PCDHA6: variants seen among roughly 807,000 people sequenced by gnomAD.
PCDHA6 encodes protocadherin alpha-6.
In PCDHA6, 55 loss-of-function variants were observed where a neutral mutation model predicts 60.3. The ratio of observed to expected loss-of-function variants is 0.91; its 90% confidence interval spans 0.73 to 1.14. The LOEUF (loss-of-function observed/expected upper bound fraction) is 1.14. Ranked by LOEUF, PCDHA6 falls within the 50% of genes most tolerant of loss-of-function variation. The pLI is 0.00. For missense variants in PCDHA6, 1,327 were observed against 1,256.5 expected, an observed-to-expected ratio of 1.06 and a Z score of -0.85; for synonymous variants, 652 against 557.9, an observed-to-expected ratio of 1.17 and a Z score of -2.38.
At chr5:140,919,926 T>C (rs1040693581) in intron 1 of PCDHA6, among the ~76,000 whole-genome samples, 18 of 152,088 alleles carry the variant, frequency 1.2e-4, no homozygotes, top group African/African-American at 4.1e-4. Flanking sequence ...AATTTTCAGG[T>C]GGGGGCTAAT....
At chr5:140,838,343 C>T (rs1262099993) in intron 1 of PCDHA6, among the ~76,000 whole-genome samples, 5 of 148,174 alleles carry the variant, frequency 3.4e-5, no homozygotes, top group African/African-American at 1.0e-4. Context: ...CGGCTGGTCT[C>T]GAAATCTGGG....
At chr5:141,009,167 G>A (rs2098401919) in intron 3 of PCDHA6, among the ~76,000 whole-genome samples, 1 of 152,180 alleles carries the variant, frequency 6.6e-6, no homozygotes, top group African/African-American at 2.4e-5. Flanking sequence ...TGTAAATACT[G>A]GCCTTGGCTG....
At chr5:140,951,822 C>T (rs926525028) in intron 1 of PCDHA6, among the ~76,000 whole-genome samples, 11 of 152,152 alleles carry the variant, frequency 7.2e-5, no homozygotes, top group African/African-American at 2.7e-4. Flanking sequence ...AAAGTCTGAA[C>T]TCATTCCAGC....
chr5:140,995,930 A>G (rs186484511), intron 3 of PCDHA6, among the ~76,000 whole-genome samples: 1 of 152,342 alleles, frequency 6.6e-6, no homozygotes, highest in Admixed American at 6.5e-5. Context: ...TGTTGTAAGT[A>G]TTAAATGACA....
At chr5:140,950,914 T>C (rs1198787949) in intron 1 of PCDHA6, among the ~76,000 whole-genome samples, 1 of 152,044 alleles carries the variant, frequency 6.6e-6, no homozygotes, top group African/African-American at 2.4e-5. Flanking sequence ...TTTATTTTAT[T>C]TCAGTTCTTT....
intron 1 of PCDHA6, among the ~76,000 whole-genome samples, chr5:140,873,502 T>C (rs1554166743): frequency 3.3e-5 from 5 of 152,346 alleles, no homozygotes; most frequent in Non-Finnish European, 7.3e-5. Context: ...AGTTGTGTCT[T>C]TTATACTTAA....
intron 1 of PCDHA6, among the ~76,000 whole-genome samples, chr5:140,890,783 A>G (rs150043569): frequency 1.3e-5 from 2 of 152,302 alleles, no homozygotes; most frequent in African/African-American, 4.8e-5. Context: ...CCCATAAGAT[A>G]TTAGTATTAT....
At chr5:140,887,348 G>C (rs997332881) in intron 1 of PCDHA6, among the ~76,000 whole-genome samples, 1 of 151,978 alleles carries the variant, frequency 6.6e-6, no homozygotes, top group Non-Finnish European at 1.5e-5. Flanking sequence ...CACCTGGCTC[G>C]GCCTCCCAAA....
At chr5:140,962,947 A>T (rs2153733915) in intron 1 of PCDHA6, among the ~76,000 whole-genome samples, 2 of 152,320 alleles carry the variant, frequency 1.3e-5, no homozygotes, top group Admixed American at 1.3e-4. Context: ...TCCATAAGAT[A>T]TGCTCTATCC....
chr5:140,866,385 A>G (rs1211864168), intron 1 of PCDHA6: 3 of 152,140 alleles, frequency 2.0e-5, no homozygotes, highest in Non-Finnish European at 2.9e-5. Flanking sequence ...ACAATTTTAA[A>G]GACATAGATT....
chr5:140,870,100 T>C (rs1554163812), intron 1 of PCDHA6: 2 of 1,613,914 alleles, frequency 1.2e-6, no homozygotes, highest in Admixed American at 3.3e-5. Context: ...GGCAGGTCAC[T>C]GTACAGTCTG....
At chr5:140,951,247 A>G (rs185452142) in intron 1 of PCDHA6, among the ~76,000 whole-genome samples, 1 of 152,230 alleles carries the variant, frequency 6.6e-6, no homozygotes, top group Non-Finnish European at 1.5e-5. Context: ...TTAGGAATGC[A>G]TCACATTTTT....
chr5:140,899,267 G>C lies in PCDHA6; in HGVS notation c.2394+68782G>C, dbSNP rs1397421903. Among the ~76,000 whole-genome samples, 367 of 152,064 alleles carry C rather than the reference G, an allele frequency of 2.4e-3. 2 individuals carry two copies. The highest frequency in any genetic ancestry group is 8.5e-3 in the African/African-American group (354 of 41,454). On this transcript the variant is annotated intron_variant, in intron 1 of 3. Coordinates refer to ENST00000529310, the MANE Select transcript of PCDHA6 (RefSeq NM_018909.4). ...TGAGAGAGGGCATCCCTGTCTTGTGGCAGTTTTCAAAGGGAATACTTCCAG... is the reference window on the plus strand; with the variant it reads ...TGAGAGAGGGCATCCCTGTCTTGTGCCAGTTTTCAAAGGGAATACTTCCAG...
At chr5:140,932,734 C>G (rs1295804671) in intron 1 of PCDHA6, among the ~76,000 whole-genome samples, 2 of 151,588 alleles carry the variant, frequency 1.3e-5, no homozygotes, top group Non-Finnish European at 1.5e-5. Context: ...AATATAGACC[C>G]TCAAATCAGT....
In PCDHA6 at chr5:140,857,075, A is replaced by C. The variant is rs782381292; in HGVS notation, c.2394+26590A>C. On this transcript the variant is annotated intron_variant, in intron 1 of 3. Coordinates refer to ENST00000529310, the MANE Select transcript of PCDHA6 (RefSeq NM_018909.4). ...GGTCCTAGTGGAACTACTGGATGAA[A>C]ATGATAATTCACCTGAGGTGATTGT... is the stretch of plus-strand genomic sequence containing the variant. 10 of 1,597,052 alleles carry C rather than the reference A, an allele frequency of 6.3e-6. 1 individual carries two copies. The highest frequency in any genetic ancestry group is 8.6e-6 in the Non-Finnish European group (10 of 1,166,684).
At chr5:140,947,238 A>G (rs1252869330) in intron 1 of PCDHA6, among the ~76,000 whole-genome samples, 2 of 151,618 alleles carry the variant, frequency 1.3e-5, no homozygotes, top group Non-Finnish European at 3.0e-5. Flanking sequence ...GGAAAAAAAA[A>G]TAAGATAATC....
Position 140,849,460 on chromosome 5 carries a change from C to T in PCDHA6, c.2394+18975C>T, listed in dbSNP as rs144662587. The T allele has an allele frequency of 6.9e-6, 11 of 1,588,102 alleles. 3 individuals are homozygous for T. Among genetic ancestry groups the T allele is most frequent in the Non-Finnish European group, 9.5e-6 (11 of 1,161,646 alleles). On this transcript the variant is annotated intron_variant, in intron 1 of 3. Transcript: ENST00000529310. ...AGAGCACACAAGATCCCAGTCGAGG[C>T]TGTCGATAAAGGCTTCCCACCCCTG...
At chr5:140,904,206 C>T (rs2070944708) in intron 1 of PCDHA6, among the ~76,000 whole-genome samples, 1 of 151,882 alleles carries the variant, frequency 6.6e-6, no homozygotes, top group South Asian at 2.1e-4. Flanking sequence ...CCCCTAAGTC[C>T]CCAAAGTCCA....
At position 140,842,838 on chromosome 5, in the gene PCDHA6, G is replaced by A. The variant is rs1265674507; in HGVS notation, c.2394+12353G>A. 6.3e-7 allele frequency: 1 copy of A among 1,593,906 alleles called. No homozygotes were observed. Among genetic ancestry groups the A allele is most frequent in the South Asian group, 1.1e-5 (1 of 90,422 alleles). ...CGGGTGGGCGAGCGCTCGCTGTCGAGCTACATTTCGGTGCACACGGAGAGC... is the reference window on the plus strand; with the variant it reads ...CGGGTGGGCGAGCGCTCGCTGTCGAACTACATTTCGGTGCACACGGAGAGC... On this transcript the variant is annotated intron_variant, in intron 1 of 3. Transcript: ENST00000529310.
Sources: gnomAD v4.1 joint callset for allele counts (sites outside exome capture counted in the v4.1 genomes callset) on GRCh38, gnomAD v4.1.1 for gene constraint, MANE v1.5 for transcripts, NCBI Gene and HGNC (gene_info 2026-07-23, HGNC 2026-07-21) for gene names.